The following KIAA0825 variants were observed in gnomAD, a reference collection of about 807,000 sequenced individuals.
KIAA0825 encodes KIAA0825.
A neutral mutation model predicts 147.6 loss-of-function variants in KIAA0825; 119 were observed. The observed-to-expected ratio is 0.81, with a 90% CI of 0.69 to 0.94. The LOEUF is 0.94. KIAA0825 is among the 40% of genes least tolerant of loss of function. The pLI, the probability that KIAA0825 is intolerant of heterozygous loss-of-function variation, is 0.00. For synonymous variants in KIAA0825, 470 were observed against 518.1 expected (o/e 0.91, Z 1.26); for missense variants, 1,381 against 1,472.7 (o/e 0.94, Z 1.02).
rs1471187773 is a variant in KIAA0825 at position 94,219,271 on chromosome 5, G to A, written c.3711-65147C>T. Reference sequence around the variant, plus strand: ...AGGGAGTGTGCAATCTAGATCCCTCGCATGCACAGTTAACAACAGAGTTCA... The same window carrying A: ...AGGGAGTGTGCAATCTAGATCCCTCACATGCACAGTTAACAACAGAGTTCA... On this transcript the variant is annotated intron_variant, in intron 20 of 20. Transcript: ENST00000682413. Among the ~76,000 whole-genome samples, 6 of 151,814 alleles carry A rather than the reference G, an allele frequency of 4.0e-5. No individual in the cohort carries two copies. In the East Asian group the frequency reaches 7.7e-4, roughly 19 times the overall value.
At chr5:94,513,666 A>T (rs1389572846) in intron 5 of KIAA0825, among the ~76,000 whole-genome samples, 1 of 152,106 alleles carries the variant, frequency 6.6e-6, no homozygotes, top group African/African-American at 2.4e-5. Context: ...GAGTCCATGC[A>T]GCAGAAAAAA....
intron 15 of KIAA0825, among the ~76,000 whole-genome samples, chr5:94,404,921 A>G (rs1474151633): frequency 6.6e-6 from 1 of 152,116 alleles, no homozygotes; most frequent in Non-Finnish European, 1.5e-5. Context: ...GCTGGACAAG[A>G]TGATATTTAT....
At chr5:94,528,115 A>G (rs894351940) in intron 3 of KIAA0825, among the ~76,000 whole-genome samples, 1 of 152,220 alleles carries the variant, frequency 6.6e-6, no homozygotes. Flanking sequence ...GAGACATTTA[A>G]TCATTTCAAA....
At chr5:94,482,681 T>C (rs964022788) in intron 6 of KIAA0825, among the ~76,000 whole-genome samples, 13 of 152,074 alleles carry the variant, frequency 8.5e-5, no homozygotes, top group African/African-American at 3.1e-4. Flanking sequence ...TTCTTGACAA[T>C]TTCCCTCAAG....
At chr5:94,284,455 G>T (rs959146622) in intron 20 of KIAA0825, among the ~76,000 whole-genome samples, 1 of 152,072 alleles carries the variant, frequency 6.6e-6, no homozygotes, top group African/African-American at 2.4e-5. Flanking sequence ...ACCACAGCAC[G>T]CTGGCTCAGC....
chr5:94,210,490 C>A (rs1472175486), intron 20 of KIAA0825, among the ~76,000 whole-genome samples: 1 of 152,172 alleles, frequency 6.6e-6, no homozygotes, highest in East Asian at 1.9e-4. Flanking sequence ...TAGAGTCATT[C>A]TTATGTCTGG....
In KIAA0825 at chr5:94,470,101, G is replaced by C; in HGVS notation, c.1732C>G (p.Leu578Val). The C allele has an allele frequency of 6.4e-7, 1 of 1,551,346 alleles. No homozygotes were observed. The highest frequency in any genetic ancestry group is 1.4e-5 in the African/African-American group (1 of 73,132). The change falls in exon 10 of 21, where the codon CTG becomes GTG. Residue 578 changes from leucine to valine, a missense_variant. Physicochemically the swap from Leu to Val is conservative, Grantham distance 32. Transcript: ENST00000682413. ...TCCTGATATCGTTGGACAAGCACCA[G>C]GAATATGGGTCTGTTCAGAGAGAAT... The part of the protein sequence containing the change: ...MKEMTKKPIF[L>V]VLVQRYQEFI...
At chr5:94,614,443 C>T (rs991695653) in intron 1 of KIAA0825, among the ~76,000 whole-genome samples, 1 of 152,172 alleles carries the variant, frequency 6.6e-6, no homozygotes, top group African/African-American at 2.4e-5. Flanking sequence ...TATTGCTTAT[C>T]GTTAAAAGCC....
chr5:94,507,144 T>G (rs1765833794), intron 5 of KIAA0825, among the ~76,000 whole-genome samples: 1 of 152,156 alleles, frequency 6.6e-6, no homozygotes, highest in Admixed American at 6.6e-5. Flanking sequence ...TAATTAAATA[T>G]ATTTTATTAA....
At chr5:94,518,986 ATAAG>A (rs1767687893) in intron 5 of KIAA0825, among the ~76,000 whole-genome samples, 1 of 152,094 alleles carries the variant, frequency 6.6e-6, no homozygotes, top group Admixed American at 6.5e-5. Flanking sequence ...ATTTTAGAAA[ATAAG>A]TACACTAATA....
chr5:94,543,256 C>A (rs1191424275), intron 2 of KIAA0825, among the ~76,000 whole-genome samples: 1 of 152,072 alleles, frequency 6.6e-6, no homozygotes, highest in Admixed American at 6.5e-5. Context: ...CCAGCCTGGC[C>A]AACATGGCAA....
chr5:94,351,484 G>C (rs1783664108), intron 20 of KIAA0825, among the ~76,000 whole-genome samples: 1 of 152,184 alleles, frequency 6.6e-6, no homozygotes, highest in Non-Finnish European at 1.5e-5. Flanking sequence ...TAGATGGGTA[G>C]AATCAATTTT....
In KIAA0825 at chr5:94,453,000, A is replaced by G. The variant is rs371893628; in HGVS notation, c.2316T>C (p.Tyr772=). The part of the protein sequence containing the change: ...SLKSFFKQPL[Y]WVSCISHFYP... ...AGAAATGTGATATGCAAGAAACCCA[A>G]TATAATGGTTGCTTAAAAAATGATT... Residue 772 remains tyrosine (Y), a synonymous_variant, in exon 13 of 21, where the codon TAT becomes TAC. Coordinates refer to ENST00000682413, the MANE Select transcript of KIAA0825 (RefSeq NM_001145678.3). 5.2e-6 allele frequency: 8 copies of G among 1,533,562 alleles called. No individual in the cohort carries two copies. Among genetic ancestry groups the G allele is most frequent in the Non-Finnish European group, 7.0e-6 (8 of 1,140,232 alleles). The allele number at this position is 1,533,562 out of a possible 1,614,324, so 95.0% of individuals were successfully genotyped here. A position where few individuals can be genotyped will look rare whatever the true frequency, so the allele number is the denominator to read the frequency against.
chr5:94,503,188 G>GT (rs1162799830), intron 5 of KIAA0825, among the ~76,000 whole-genome samples: 1 of 151,648 alleles, frequency 6.6e-6, no homozygotes, highest in Non-Finnish European at 1.5e-5. Flanking sequence ...CCAATTTTCA[G>GT]TTTTTCTCTT....
chr5:94,606,799 G>C (rs895768687), intron 1 of KIAA0825, among the ~76,000 whole-genome samples: 2 of 152,220 alleles, frequency 1.3e-5, no homozygotes, highest in East Asian at 3.9e-4. Context: ...GGTTCTGCAG[G>C]CTGTACAAGC....
rs553979810 is a variant in KIAA0825, at chr5:94,480,603, G to A, written c.1133-3398C>T. Among the ~76,000 whole-genome samples the A allele has an allele frequency of 2.0e-5, 3 of 151,870 alleles. No individual in the cohort carries two copies. The East Asian group carries it at 5.8e-4, about 29-fold the overall frequency. ...TGTGTAGCTATAGTTTAAGACTTAC[G>A]GAAAAAGTTAATTATCTTGTATTTA... On this transcript the variant is annotated intron_variant, in intron 6 of 20. Coordinates refer to ENST00000682413, the MANE Select transcript of KIAA0825 (RefSeq NM_001145678.3).
intron 20 of KIAA0825, among the ~76,000 whole-genome samples, chr5:94,348,469 A>G (rs1473096479): frequency 6.6e-6 from 1 of 152,248 alleles, no homozygotes; most frequent in Non-Finnish European, 1.5e-5. Context: ...CCTGCAAGCT[A>G]GAAGGGACTG....
In KIAA0825 at chr5:94,386,345, G is replaced by T. The variant is rs29913; in HGVS notation, c.3516C>A (p.Ile1172=). 0.14 allele frequency: 224,696 copies of T among 1,550,736 alleles called. 17,418 individuals are homozygous for T. Among genetic ancestry groups the T allele is most frequent in the South Asian group, 0.18 (15,321 of 83,996 alleles). The change falls in exon 19 of 21, where the codon ATC becomes ATA. Residue 1172 remains isoleucine (I), a synonymous_variant. Transcript: ENST00000682413. ...MNSSEEKPLP[I]RPLKTTLRSI... The stretch of plus-strand genomic sequence containing the variant: ...TCCTCAAGGTCGTCTTTAAAGGTCG[G>T]ATGGGTAATGGCTTTTCCTCTGAAC...
At chr5:94,492,597 C>T (rs751079960) in intron 5 of KIAA0825, among the ~76,000 whole-genome samples, 19 of 152,284 alleles carry the variant, frequency 1.2e-4, no homozygotes, top group Non-Finnish European at 2.5e-4. Context: ...CATCACAGTG[C>T]CTATATGAAT....
Sources: gnomAD v4.1 joint callset for allele counts (sites outside exome capture counted in the v4.1 genomes callset) on GRCh38, gnomAD v4.1.1 for gene constraint, MANE v1.5 for transcripts, NCBI Gene and HGNC (gene_info 2026-07-23, HGNC 2026-07-21) for gene names.